Variants in UHRF2 observed in about 807,000 individuals in gnomAD.
UHRF2 encodes the protein E3 ubiquitin-protein ligase UHRF2.
Under a neutral mutation model 96.8 loss-of-function variants are expected in UHRF2, and 23 were observed. The observed-to-expected ratio is 0.24, with a 90% CI of 0.17 to 0.34. The LOEUF (loss-of-function observed/expected upper bound fraction) is 0.34, where lower values mean the gene tolerates loss of function less well. UHRF2 is among the 10% of genes least tolerant of loss of function. The pLI is 1.00. For missense variants in UHRF2, 685 were observed against 981.5 expected (o/e 0.70, Z 4.04); for synonymous variants, 385 against 332.6 (o/e 1.16, Z -1.72).
At chr9:6,426,263 C>G (rs547013096) in intron 2 of UHRF2, among the ~76,000 whole-genome samples, 2 of 152,334 alleles carry the variant, frequency 1.3e-5, no homozygotes, top group African/African-American at 4.8e-5. Context: ...TATTTGACAT[C>G]TCTTCTATTT....
intron 14 of UHRF2, among the ~76,000 whole-genome samples, chr9:6,502,514 C>G (rs549576905): frequency 6.6e-6 from 1 of 152,338 alleles, no homozygotes; most frequent in African/African-American, 2.4e-5. Context: ...TCTCAAACAC[C>G]TGGGCTCAGG....
chr9:6,487,034 T>G, intron 9 of UHRF2, 109 bp downstream of exon 9: 2 of 965,584 alleles, frequency 2.1e-6, no homozygotes, highest in Non-Finnish European at 3.1e-6. Context: ...TAGCACAGTT[T>G]TTGTTGAAGT....
intron 6 of UHRF2, among the ~76,000 whole-genome samples, chr9:6,480,749 A>C (rs1294235565): frequency 6.6e-6 from 1 of 152,178 alleles, no homozygotes; most frequent in Admixed American, 6.5e-5. Context: ...CCCAACTAGA[A>C]AGGACTTTAC....
intron 14 of UHRF2, 63 bp downstream of exon 14, chr9:6,500,772 A>C: frequency 6.8e-7 from 1 of 1,477,222 alleles, no homozygotes; most frequent in Non-Finnish European, 9.1e-7. Flanking sequence ...TAATTGTCTC[A>C]TGAAGTCTGT....
intron 3 of UHRF2, among the ~76,000 whole-genome samples, chr9:6,459,858 A>G (rs867304930): frequency 7.9e-5 from 12 of 152,340 alleles, no homozygotes; most frequent in African/African-American, 2.4e-4. Flanking sequence ...CTGTAGTACC[A>G]GCTACTCAGG....
chr9:6,451,854 G>A (rs1249174909), intron 3 of UHRF2, among the ~76,000 whole-genome samples: 1 of 151,806 alleles, frequency 6.6e-6, no homozygotes, highest in Non-Finnish European at 1.5e-5. Context: ...CACGATCTGG[G>A]CTCACTGCAG....
chr9:6,493,799 C>T (rs1824814272), intron 9 of UHRF2, 27 bp from the exon 10 acceptor site: 2 of 1,588,458 alleles, frequency 1.3e-6, no homozygotes, highest in East Asian at 2.2e-5. Flanking sequence ...GTTTAGCTTT[C>T]TTAATAAAGA....
chr9:6,480,079 C>A (rs1224694254), intron 6 of UHRF2, among the ~76,000 whole-genome samples: 2 of 152,190 alleles, frequency 1.3e-5, no homozygotes, highest in African/African-American at 4.8e-5. Context: ...TATCTACTCT[C>A]TAACTTCGGT....
At chr9:6,436,710 C>G (rs540632852) in intron 3 of UHRF2, among the ~76,000 whole-genome samples, 1 of 152,008 alleles carries the variant, frequency 6.6e-6, no homozygotes, top group Non-Finnish European at 1.5e-5. Context: ...TAGGACCTAC[C>G]CTTCAGTTTG....
chr9:6,445,688 G>A (rs1027025967), intron 3 of UHRF2, among the ~76,000 whole-genome samples: 1 of 152,004 alleles, frequency 6.6e-6, no homozygotes, highest in African/African-American at 2.4e-5. Context: ...CTCCTAAGTA[G>A]CTGGGATCAC....
chr9:6,491,931 C>G (rs2130944952), intron 9 of UHRF2, among the ~76,000 whole-genome samples: 1 of 152,262 alleles, frequency 6.6e-6, no homozygotes, highest in East Asian at 1.9e-4. Flanking sequence ...CAAGGTCTCG[C>G]TATGTCACCC....
At chr9:6,490,963 T>C (rs1282537008) in intron 9 of UHRF2, among the ~76,000 whole-genome samples, 2 of 152,240 alleles carry the variant, frequency 1.3e-5, no homozygotes, top group Non-Finnish European at 2.9e-5. Flanking sequence ...AAAAAAAGTT[T>C]CCTGAATTCT....
At chr9:6,483,318 C>CT (rs1431500506) in intron 8 of UHRF2, among the ~76,000 whole-genome samples, 1 of 120,956 alleles carries the variant, frequency 8.3e-6, no homozygotes, top group Non-Finnish European at 1.6e-5. Flanking sequence ...GAGCGAGACT[C>CT]TGTCTCAAAA....
chr9:6,444,826 C>A (rs573715739), intron 3 of UHRF2, among the ~76,000 whole-genome samples: 163 of 152,160 alleles, frequency 1.1e-3, no homozygotes, highest in Non-Finnish European at 1.7e-3. Flanking sequence ...TGGTCTTGAA[C>A]CCTGACCTTA....
At chr9:6,445,357 A>G (rs1385203369) in intron 3 of UHRF2, among the ~76,000 whole-genome samples, 1 of 151,930 alleles carries the variant, frequency 6.6e-6, no homozygotes, top group Non-Finnish European at 1.5e-5. Context: ...TCCACCTCCC[A>G]GGTTCAAGCG....
chr9:6,488,748 C>G (rs1200685912), intron 9 of UHRF2, among the ~76,000 whole-genome samples: 1 of 151,000 alleles, frequency 6.6e-6, no homozygotes, highest in Non-Finnish European at 1.5e-5. Flanking sequence ...GTGATCTGCC[C>G]ACCTCGGCTT....
At position 6,413,828 on chromosome 9, in the gene UHRF2, C is replaced by T. The variant is rs549722375; in HGVS notation, c.153+185C>T. ...TCCCGCCGAATGGTGGGGAGTGGGTCCCTGCCAGCCCCAACTGGAGGTGCG... is the reference window on the plus strand; with the variant it reads ...TCCCGCCGAATGGTGGGGAGTGGGTTCCTGCCAGCCCCAACTGGAGGTGCG... On this transcript the variant is annotated intron_variant, in intron 1 of 15. Transcript: ENST00000276893. 8.8e-4 allele frequency: 570 copies of T among 649,554 alleles called. 4 individuals are homozygous for T. The African/African-American group carries it at 0.01, about 11-fold the overall frequency. 40.2% of individuals were successfully genotyped at this position (649,554 alleles called of 1,614,324 possible).
chr9:6,481,536 C>G, intron 6 of UHRF2, 107 bp from the exon 7 acceptor site: 2 of 1,315,994 alleles, frequency 1.5e-6, no homozygotes, highest in Non-Finnish European at 2.1e-6. Context: ...TAATGTATAC[C>G]AAATAATACA....
chr9:6,432,996 A>G (rs1198113875), intron 2 of UHRF2, among the ~76,000 whole-genome samples: 1 of 151,896 alleles, frequency 6.6e-6, no homozygotes, highest in African/African-American at 2.4e-5. Flanking sequence ...ATGCTCCACC[A>G]CGCCTGGCTA....
Sources: gnomAD v4.1 joint callset for allele counts (sites outside exome capture counted in the v4.1 genomes callset) on GRCh38, gnomAD v4.1.1 for gene constraint, MANE v1.5 for transcripts, NCBI Gene and HGNC (gene_info 2026-07-23, HGNC 2026-07-21) for gene names.